The following SUPT16H variants were observed in gnomAD, a reference collection of about 807,000 sequenced individuals.
The protein encoded by SUPT16H is SPT16 homolog, facilitates chromatin remodeling subunit.
In SUPT16H, 24 loss-of-function variants were observed where a neutral mutation model predicts 136.2. The ratio of observed to expected loss-of-function variants is 0.18; its 90% CI spans 0.13 to 0.25. The LOEUF is 0.25. SUPT16H is among the 10% of genes least tolerant of loss of function. The pLI, the probability that SUPT16H is intolerant of heterozygous loss-of-function variation, is 1.00. For missense variants in SUPT16H, 623 were observed against 1,270.2 expected, an observed-to-expected ratio of 0.49 and a Z score of 7.74; for synonymous variants, 415 against 428.2, an observed-to-expected ratio of 0.97 and a Z score of 0.38.
At chr14:21,381,976 G>A (rs1166306794) in intron 1 of SUPT16H, among the ~76,000 whole-genome samples, 1 of 151,982 alleles carries the variant, frequency 6.6e-6, no homozygotes, top group Non-Finnish European at 1.5e-5. Context: ...GTGTAAAAGA[G>A]AAAAGTTATA....
At chr14:21,376,488 C>T (rs1057362840) in intron 1 of SUPT16H, among the ~76,000 whole-genome samples, 3 of 152,054 alleles carry the variant, frequency 2.0e-5, no homozygotes, top group African/African-American at 2.4e-5. Flanking sequence ...TATTTCTCTA[C>T]CACAACAAAA....
intron 7 of SUPT16H, 136 bp from the exon 8 acceptor site, chr14:21,366,665 T>TTTTC (rs1206963096): frequency 1.3e-6 from 1 of 790,976 alleles, no homozygotes. Flanking sequence ...ACTTTTTTTT[T>TTTTC]TTGAGACAAG....
chr14:21,360,944 A>G lies in SUPT16H; in HGVS notation c.1958T>C (p.Ile653Thr). The G allele has an allele frequency of 6.2e-7, 1 of 1,614,094 alleles. No individual in the cohort carries two copies. The highest frequency in any genetic ancestry group is 8.5e-7 in the Non-Finnish European group (1 of 1,179,998). ...EGIVKQDSLV[I>T]NLNRSNPKLK... ...TTTCGGATTACTCCGGTTTAGATTG[A>G]TCACCAGTGAGTCTTGTTTTACAAT... The change falls in exon 17 of 26, where the codon ATC becomes ACC. Residue 653 changes from isoleucine (I) to threonine (T), a missense_variant. This residue lies in a region of SUPT16H where 62 missense variants were observed against 200.5 expected (regional missense o/e 0.31). Transcript: ENST00000216297.
chr14:21,379,714 CAATAAT>C (rs144376328), intron 1 of SUPT16H, among the ~76,000 whole-genome samples: 1 of 151,586 alleles, frequency 6.6e-6, no homozygotes, highest in African/African-American at 2.4e-5. Flanking sequence ...AAATAAATAA[CAATAAT>C]AATAATAATA....
Position 21,363,047 on chromosome 14 carries a change from G to C in SUPT16H, c.1498C>G (p.Gln500Glu), listed in dbSNP as rs1365529627. Residue 500 changes from glutamine to glutamate, a missense_variant, in exon 13 of 26, where the codon CAG becomes GAG. Around this residue, in one of 7 missense-constraint regions of SUPT16H, gnomAD observed 30 missense variants for 44.8 expected, o/e 0.67. Coordinates refer to ENST00000216297, the MANE Select transcript of SUPT16H (RefSeq NM_007192.4). The part of the protein sequence containing the change: ...KRRLTEQKGE[Q>E]QIQKARKSNV... ...GAAAACTCTTACTTCTGAATCTGCT[G>C]TTCTCCCTTTTGTTCAGTCAATCGC... The C allele has an allele frequency of 6.2e-7, 1 of 1,613,978 alleles. No individual in the cohort carries two copies. Among genetic ancestry groups the C allele is most frequent in the African/African-American group, 1.3e-5 (1 of 75,050 alleles).
chr14:21,368,722 T>C (rs185109296), intron 6 of SUPT16H, among the ~76,000 whole-genome samples: 1 of 152,362 alleles, frequency 6.6e-6, no homozygotes, highest in Admixed American at 6.5e-5. Flanking sequence ...TTGTATCCAT[T>C]ATAGTCTAAT....
In SUPT16H at chr14:21,354,408, C is replaced by T. The variant is rs913989514; in HGVS notation, c.2790+3G>A. 2 of 1,613,842 alleles carry T rather than the reference C, an allele frequency of 1.2e-6. No individual in the cohort carries two copies. The highest frequency in any genetic ancestry group is 1.7e-6 in the Non-Finnish European group (2 of 1,179,872). On this transcript the variant is annotated splice_donor_region_variant and intron_variant, in intron 23 of 25. Coordinates refer to ENST00000216297, the MANE Select transcript of SUPT16H (RefSeq NM_007192.4). ...CCAGAAAAGAAACCCCACACTCACGCACCTCACCCTCAGGCTCCAGGAAAG... is the reference window on the plus strand; with the variant it reads ...CCAGAAAAGAAACCCCACACTCACGTACCTCACCCTCAGGCTCCAGGAAAG...
Position 21,353,747 on chromosome 14 carries a change from T to C in SUPT16H, c.2876A>G (p.Glu959Gly). ...NPSEDDYEEE[E>G]EDSDEDYSSE... Reference sequence around the variant, plus strand: ...TGAATAATCTTCATCACTGTCCTCCTCTTCCTCTTCATAGTCATCTTCTGA... The same window carrying C: ...TGAATAATCTTCATCACTGTCCTCCCCTTCCTCTTCATAGTCATCTTCTGA... The change falls in exon 24 of 26, where the codon GAG (glutamate) becomes GGG (glycine). Residue 959 changes from glutamate to glycine, a missense_variant. This residue lies in a region of SUPT16H where 88 missense variants were observed against 135.5 expected (regional missense o/e 0.65). Transcript: ENST00000216297. 1 of 1,614,116 alleles carries C rather than the reference T, an allele frequency of 6.2e-7. No individual in the cohort carries two copies. Among genetic ancestry groups the C allele is most frequent in the Non-Finnish European group, 8.5e-7 (1 of 1,179,994 alleles).
chr14:21,381,932 T>G (rs1887035807), intron 1 of SUPT16H, among the ~76,000 whole-genome samples: 1 of 152,098 alleles, frequency 6.6e-6, no homozygotes, highest in African/African-American at 2.4e-5. Context: ...TTATTCTATT[T>G]CAATCCCAGT....
chr14:21,359,681 C>G (rs1886509717), intron 18 of SUPT16H, 72 bp from the exon 19 acceptor site: 2 of 1,560,252 alleles, frequency 1.3e-6, no homozygotes, highest in South Asian at 2.4e-5. Context: ...TGGCAGTGAT[C>G]CAAACTTGGG....
At chr14:21,356,002 C>T (rs942897986) in intron 22 of SUPT16H, among the ~76,000 whole-genome samples, 1 of 152,126 alleles carries the variant, frequency 6.6e-6, no homozygotes, top group African/African-American at 2.4e-5. Context: ...AAGGAAACAA[C>T]AAGGGTTAAT....
Position 21,383,984 on chromosome 14 carries a change from C to G in SUPT16H, c.-57G>C, listed in dbSNP as rs1016118423. 16 of 1,603,226 alleles carry G rather than the reference C, an allele frequency of 1.0e-5. No individual in the cohort carries two copies. Among genetic ancestry groups the G allele is most frequent in the African/African-American group, 2.7e-5 (2 of 74,806 alleles). On this transcript the variant is annotated 5_prime_UTR_variant, in exon 1 of 26. Coordinates refer to ENST00000216297, the MANE Select transcript of SUPT16H (RefSeq NM_007192.4). ...AGAATCACGCGAGGTCCCGGCTCAGCCACCCGCTCTCGGCCCAGGAATCCC... is the reference window on the plus strand; with the variant it reads ...AGAATCACGCGAGGTCCCGGCTCAGGCACCCGCTCTCGGCCCAGGAATCCC...
At chr14:21,370,826 A>C (rs953000259) in intron 3 of SUPT16H, among the ~76,000 whole-genome samples, 1 of 148,468 alleles carries the variant, frequency 6.7e-6, no homozygotes, top group African/African-American at 2.5e-5. Flanking sequence ...GCCAGGCTGG[A>C]GTGCAGCGGC....
At chr14:21,365,508 C>T (rs1234150851) in intron 8 of SUPT16H, among the ~76,000 whole-genome samples, 1 of 151,998 alleles carries the variant, frequency 6.6e-6, no homozygotes, top group East Asian at 1.9e-4. Flanking sequence ...TTAAAAGGGG[C>T]AATTTTTAGT....
rs901433063 is a variant in SUPT16H at position 21,383,958 on chromosome 14, G to A, written c.-31C>T. 21 of 1,611,962 alleles carry A rather than the reference G, an allele frequency of 1.3e-5. No homozygotes were observed. Among genetic ancestry groups the A allele is most frequent in the Middle Eastern group, 2.2e-4 (1 of 4,480 alleles). On this transcript the variant is annotated 5_prime_UTR_variant, in exon 1 of 26. Transcript: ENST00000216297. The stretch of plus-strand genomic sequence containing the variant: ...CGGACGCCGCTTCTCCTCGGGTTCC[G>A]AGAATCACGCGAGGTCCCGGCTCAG...
chr14:21,375,875 G>T (rs1055946109), intron 1 of SUPT16H, among the ~76,000 whole-genome samples: 6 of 152,242 alleles, frequency 3.9e-5, no homozygotes, highest in Non-Finnish European at 5.9e-5. Flanking sequence ...TCACAGGTGT[G>T]AGCCACTGTG....
chr14:21,369,816 G>A lies in SUPT16H; in HGVS notation c.564C>T (p.Ser188=). The A allele has an allele frequency of 6.2e-7, 1 of 1,614,168 alleles. No homozygotes were observed. The highest frequency in any genetic ancestry group is 8.5e-7 in the Non-Finnish European group (1 of 1,180,022). ...ATTTGTTGAAGACTTCAGAAGTGAT[G>A]CTGGCTGCTTTCTTCATTAGGTTGA... The part of the protein sequence containing the change: ...GELNLMKKAA[S]ITSEVFNKFF... The change falls in exon 5 of 26, where the codon AGC becomes AGT. Residue 188 remains serine, a synonymous_variant. Transcript: ENST00000216297.
chr14:21,377,084 A>C (rs1886918833), intron 1 of SUPT16H, among the ~76,000 whole-genome samples: 1 of 151,708 alleles, frequency 6.6e-6, no homozygotes. Flanking sequence ...AAGAAAAAAA[A>C]AAAAAAAAAA....
At chr14:21,357,823 G>A in intron 21 of SUPT16H, 104 bp downstream of exon 21, 2 of 1,174,884 alleles carry the variant, frequency 1.7e-6, no homozygotes, top group South Asian at 1.4e-5. Context: ...TTAAGTCTAA[G>A]TAAATATCAA....
Sources: allele counts gnomAD v4.1 joint callset (sites outside exome capture counted in the v4.1 genomes callset), GRCh38; gene constraint gnomAD v4.1.1; regional missense constraint gnomAD v4.1.1; transcripts MANE v1.5; gene names NCBI Gene and HGNC (gene_info 2026-07-23, HGNC 2026-07-21).